Variants in CFAP99 observed in about 807,000 individuals in gnomAD.
CFAP99 encodes the protein cilia- and flagella-associated protein 99.
In CFAP99, 84 loss-of-function variants were observed where a neutral mutation model predicts 82.7. That is an observed-to-expected ratio of 1.02 (90% CI 0.85 to 1.22). CFAP99 has a LOEUF of 1.22. Ranked by LOEUF, CFAP99 falls within the 50% of genes most tolerant of loss-of-function variation. The pLI is 0.00. For missense variants in CFAP99, 1,059 were observed against 983.5 expected, an observed-to-expected ratio of 1.08 and a Z score of -1.03; for synonymous variants, 456 against 429.5, an observed-to-expected ratio of 1.06 and a Z score of -0.76.
chr4:2,423,647 G>A (rs967010749), intron 1 of CFAP99, among the ~76,000 whole-genome samples: 1 of 152,172 alleles, frequency 6.6e-6, no homozygotes, highest in Non-Finnish European at 1.5e-5. Context: ...GGCCATGAAG[G>A]GGGTGGGAAC....
chr4:2,449,944 T>A (rs1734263849), exon 8 of CFAP99: 1 of 1,536,048 alleles, frequency 6.5e-7, no homozygotes, highest in African/African-American at 1.4e-5. Flanking sequence ...GAGCTGCTGC[T>A]GAGGGCAAAC....
chr4:2,447,368 G>A (rs1417384520), intron 6 of CFAP99, among the ~76,000 whole-genome samples: 1 of 151,092 alleles, frequency 6.6e-6, no homozygotes, highest in East Asian at 1.9e-4. Flanking sequence ...ATGGATGGAT[G>A]ATTGGATGAT....
intron 5 of CFAP99, among the ~76,000 whole-genome samples, chr4:2,444,835 G>A (rs1035696307): frequency 2.6e-4 from 39 of 152,182 alleles, no homozygotes; most frequent in African/African-American, 9.2e-4. Flanking sequence ...GATTCCTGCA[G>A]CAGGGCTGTC....
chr4:2,450,719 C>G (rs1679716736), intron 8 of CFAP99, among the ~76,000 whole-genome samples: 2 of 152,206 alleles, frequency 1.3e-5, no homozygotes, highest in South Asian at 4.1e-4. Context: ...CCCACAGGCC[C>G]TGCACCCTCC....
At chr4:2,450,978 C>G (rs752039667) in exon 9 of CFAP99, 3 of 1,535,912 alleles carry the variant, frequency 2.0e-6, no homozygotes, top group Non-Finnish European at 2.6e-6. Flanking sequence ...CTTCAGTTCC[C>G]ACCCCGAATC....
chr4:2,452,413 A>G, intron 11 of CFAP99, 67 bp downstream of exon 11: 2 of 1,487,360 alleles, frequency 1.3e-6, no homozygotes, highest in South Asian at 2.4e-5. Context: ...CGGGAGCTGC[A>G]GGGCCAGGGC....
At chr4:2,454,415 G>A (rs769762037) in intron 11 of CFAP99, among the ~76,000 whole-genome samples, 3 of 151,980 alleles carry the variant, frequency 2.0e-5, no homozygotes, top group Non-Finnish European at 4.4e-5. Context: ...GGGATTACAG[G>A]TGGAAGCCAC....
intron 14 of CFAP99, among the ~76,000 whole-genome samples, 170 bp downstream of exon 14, chr4:2,460,412 G>C (rs1308917556): frequency 1.1e-4 from 17 of 152,196 alleles, no homozygotes. Flanking sequence ...TGACTTCCAG[G>C]CACATGGGAA....
In CFAP99 at chr4:2,446,368, GTTATTATTA is replaced by G. The variant is rs146154713; in HGVS notation, c.642+1093_642+1101del. Among the ~76,000 whole-genome samples, 72 of 148,494 alleles carry G rather than the reference GTTATTATTA, an allele frequency of 4.8e-4. 1 individual carries two copies. Among genetic ancestry groups the G allele is most frequent in the African/African-American group, 1.0e-3 (40 of 40,106 alleles). On this transcript the variant is annotated intron_variant, in intron 6 of 14. Transcript: ENST00000635017. The surrounding 1 kb of genome is among the most constrained non-coding windows in gnomAD (Gnocchi z 5.0). ...CTTTTTATTTCATTTTATTATTGTT[GTTATTATTA>G]TTATTATTATTATTATTATTATTAT...
At chr4:2,434,280 A>G (rs1560379837) in intron 2 of CFAP99, among the ~76,000 whole-genome samples, 1 of 152,204 alleles carries the variant, frequency 6.6e-6, no homozygotes, top group Non-Finnish European at 1.5e-5. Context: ...CCGTTTGGCA[A>G]TCAGAATGCT....
rs536374126 is a variant in CFAP99 at position 2,448,847 on chromosome 4, C to T, written c.643-823C>T. 2.0e-5 allele frequency among the ~76,000 whole-genome samples: 3 copies of T among 152,310 alleles called. No homozygotes were observed. Among genetic ancestry groups the T allele is most frequent in the Non-Finnish European group, 2.9e-5 (2 of 68,040 alleles). ...GCCAACACAGGGTCCCTCCAGCTGC[C>T]GTGGCCAAGGAGGGCAGTGAGAGGC... On this transcript the variant is annotated intron_variant, in intron 6 of 14. Transcript: ENST00000635017. This position sits in a 1 kb window ranked among gnomAD's most constrained non-coding sequence, Gnocchi z 5.2.
intron 2 of CFAP99, among the ~76,000 whole-genome samples, chr4:2,429,926 A>T (rs1733765871): frequency 6.6e-6 from 1 of 151,758 alleles, no homozygotes; most frequent in Non-Finnish European, 1.5e-5. Flanking sequence ...CACAAGTCCG[A>T]GAGGAATGGT....
chr4:2,458,886 C>CT, intron 12 of CFAP99, 22 bp downstream of exon 12: 1 of 1,528,830 alleles, frequency 6.5e-7, no homozygotes, highest in Middle Eastern at 1.8e-4. Flanking sequence ...CCAGATGTCA[C>CT]TGGCCCTACC....
intron 3 of CFAP99, 51 bp from the exon 4 acceptor site, chr4:2,438,019 C>G: frequency 9.0e-7 from 1 of 1,109,578 alleles, no homozygotes; most frequent in Non-Finnish European, 1.3e-6. Flanking sequence ...CCGCCGTGTG[C>G]CTGGTGCCCC....
chr4:2,456,822 A>C (rs956082164), intron 11 of CFAP99, among the ~76,000 whole-genome samples: 5 of 151,942 alleles, frequency 3.3e-5, no homozygotes, highest in Non-Finnish European at 7.4e-5. Flanking sequence ...CCCGGCCAAT[A>C]ACTTGTTTTT....
intron 4 of CFAP99, among the ~76,000 whole-genome samples, chr4:2,440,414 G>A (rs1461867404): frequency 6.6e-6 from 1 of 151,218 alleles, no homozygotes; most frequent in Non-Finnish European, 1.5e-5. Flanking sequence ...CCAAAGTGCT[G>A]GGATTACAGG....
chr4:2,442,794 A>C (rs760825422), intron 4 of CFAP99, among the ~76,000 whole-genome samples: 1 of 152,104 alleles, frequency 6.6e-6, no homozygotes, highest in African/African-American at 2.4e-5. Context: ...AGGGGAGCCA[A>C]GGTCCAGGCC....
At chr4:2,423,515 G>T (rs1332735100) in intron 1 of CFAP99, among the ~76,000 whole-genome samples, 1 of 152,218 alleles carries the variant, frequency 6.6e-6, no homozygotes, top group Non-Finnish European at 1.5e-5. Flanking sequence ...AGAGGAGAGT[G>T]AAAGGACCCT....
At chr4:2,420,609 A>C (rs965753930) in intron 1 of CFAP99, among the ~76,000 whole-genome samples, 3 of 152,200 alleles carry the variant, frequency 2.0e-5, no homozygotes, top group Non-Finnish European at 1.5e-5. Context: ...CATGGGATGA[A>C]GGCTGAACTT....
Sources: gnomAD v4.1 joint callset for allele counts (sites outside exome capture counted in the v4.1 genomes callset) on GRCh38, gnomAD v4.1.1 for gene constraint, Gnocchi (gnomAD v3.1) non-coding constraint, MANE v1.5 for transcripts, NCBI Gene and HGNC (gene_info 2026-07-23, HGNC 2026-07-21) for gene names.